PRKCE: variants seen among roughly 807,000 people sequenced by gnomAD.
The protein encoded by PRKCE is protein kinase C epsilon type.
In PRKCE, 16 loss-of-function variants were observed where a neutral mutation model predicts 85.4. That is an observed-to-expected ratio of 0.19 (90% CI 0.13 to 0.28). The LOEUF (loss-of-function observed/expected upper bound fraction) is 0.28. Ranked by LOEUF, PRKCE falls within the 10% of genes least tolerant of loss-of-function variation. The probability of loss-of-function intolerance (pLI) is 1.00; values close to 1 mark genes in which losing one functional copy is unlikely to be tolerated. For missense variants in PRKCE, 573 were observed against 975.2 expected (o/e 0.59, Z 5.49); for synonymous variants, 388 against 371.5 (o/e 1.04, Z -0.51).
intron 1 of PRKCE, among the ~76,000 whole-genome samples, chr2:45,842,664 G>A (rs1391613380): frequency 1.4e-4 from 21 of 152,204 alleles, no homozygotes; most frequent in Admixed American, 1.4e-3. Context: ...GTGCACTGTA[G>A]AATGTTTAAT....
intron 1 of PRKCE, chr2:45,770,765 A>G (rs138141861): frequency 6.6e-6 from 1 of 152,178 alleles, no homozygotes; most frequent in Non-Finnish European, 1.5e-5. Context: ...GCAGCGGATT[A>G]TTTCTTCCTT....
At chr2:45,687,305 G>A (rs900805951) in intron 1 of PRKCE, among the ~76,000 whole-genome samples, 1 of 151,884 alleles carries the variant, frequency 6.6e-6, no homozygotes, top group Non-Finnish European at 1.5e-5. Flanking sequence ...TGGAATAAAG[G>A]TATAAACAGA....
chr2:46,183,626 G>C (rs749929554), intron 14 of PRKCE, among the ~76,000 whole-genome samples: 2 of 152,136 alleles, frequency 1.3e-5, no homozygotes, highest in African/African-American at 4.8e-5. Flanking sequence ...TCCCCATGCC[G>C]CACTCTGCCC....
intron 1 of PRKCE, among the ~76,000 whole-genome samples, chr2:45,667,353 C>T (rs1384880314): frequency 1.3e-5 from 2 of 152,002 alleles, no homozygotes; most frequent in African/African-American, 4.8e-5. Flanking sequence ...TCACTGTGTT[C>T]CCCAGGCTGA....
At chr2:46,093,530 CTT>C (rs56905063) in intron 11 of PRKCE, among the ~76,000 whole-genome samples, 72,545 of 131,442 alleles carry the variant, frequency 0.55, 19,294 homozygotes, top group Non-Finnish European at 0.6. Context: ...TTGTACTTTT[CTT>C]TTTTTTTTTT....
chr2:45,968,139 C>G (rs1407831000), intron 2 of PRKCE, among the ~76,000 whole-genome samples: 1 of 152,110 alleles, frequency 6.6e-6, no homozygotes, highest in East Asian at 1.9e-4. Flanking sequence ...TTGCTGGCAT[C>G]CAGGCATACG....
Position 46,139,840 on chromosome 2 carries a change from A to G in PRKCE, c.1593-5253A>G, listed in dbSNP as rs1675336298. On this transcript the variant is annotated intron_variant, in intron 11 of 14. Coordinates refer to ENST00000306156, the MANE Select transcript of PRKCE (RefSeq NM_005400.3). This position sits in a 1 kb window ranked among gnomAD's most constrained non-coding sequence, Gnocchi z 5.2. ...ATCTGATTGCCTAGAACCTAGTCACATAACTACACCCTGCTCCAAGGGCAG... is the reference window on the plus strand; with the variant it reads ...ATCTGATTGCCTAGAACCTAGTCACGTAACTACACCCTGCTCCAAGGGCAG... Among the ~76,000 whole-genome samples the G allele has an allele frequency of 6.6e-6, 1 of 152,124 alleles. No individual in the cohort carries two copies. Among genetic ancestry groups the G allele is most frequent in the Non-Finnish European group, 1.5e-5 (1 of 68,028 alleles).
At chr2:45,722,164 C>T (rs924131705) in intron 1 of PRKCE, among the ~76,000 whole-genome samples, 6 of 151,966 alleles carry the variant, frequency 3.9e-5, no homozygotes, top group Non-Finnish European at 5.9e-5. Flanking sequence ...TGACACTTTC[C>T]AAAACAAAAG....
intron 1 of PRKCE, among the ~76,000 whole-genome samples, chr2:45,834,885 T>A (rs1299040968): frequency 6.6e-6 from 1 of 152,240 alleles, no homozygotes; most frequent in African/African-American, 2.4e-5. Flanking sequence ...ATTATCTTGT[T>A]TTATATATGA....
intron 14 of PRKCE, among the ~76,000 whole-genome samples, chr2:46,178,420 G>C (rs1164025472): frequency 1.3e-5 from 2 of 152,240 alleles, no homozygotes; most frequent in African/African-American, 2.4e-5. Flanking sequence ...AAGAAGGGAT[G>C]ACAGATGATT....
intron 1 of PRKCE, among the ~76,000 whole-genome samples, chr2:45,678,140 G>T (rs1676621197): frequency 6.6e-6 from 1 of 152,166 alleles, no homozygotes; most frequent in African/African-American, 2.4e-5. Context: ...AGAGCTGGTT[G>T]TGTGCATATG....
intron 14 of PRKCE, among the ~76,000 whole-genome samples, chr2:46,174,037 G>A (rs1348650913): frequency 2.0e-5 from 3 of 152,228 alleles, no homozygotes; most frequent in African/African-American, 7.2e-5. Flanking sequence ...CAGAATGCCT[G>A]GCGGTCTGAG....
chr2:45,798,978 T>C (rs1004389167), intron 1 of PRKCE, among the ~76,000 whole-genome samples: 3 of 151,940 alleles, frequency 2.0e-5, no homozygotes, highest in Non-Finnish European at 4.4e-5. Context: ...CCATCCTGGC[T>C]AACATGGTGA....
intron 10 of PRKCE, among the ~76,000 whole-genome samples, chr2:46,057,426 T>C (rs1433641344): frequency 6.6e-6 from 1 of 151,630 alleles, no homozygotes; most frequent in Non-Finnish European, 1.5e-5. Flanking sequence ...TAAGAAAAAA[T>C]ATTCTCTTCA....
At chr2:45,901,086 G>A (rs1696545841) in intron 2 of PRKCE, among the ~76,000 whole-genome samples, 1 of 152,222 alleles carries the variant, frequency 6.6e-6, no homozygotes, top group Non-Finnish European at 1.5e-5. Context: ...TTTGGGCTGA[G>A]TCCTGATGAG....
intron 1 of PRKCE, among the ~76,000 whole-genome samples, chr2:45,742,943 A>G (rs929205421): frequency 2.6e-5 from 4 of 152,258 alleles, no homozygotes; most frequent in Non-Finnish European, 5.9e-5. Context: ...TCAGCCTTAA[A>G]GCAGAAGCAA....
intron 2 of PRKCE, among the ~76,000 whole-genome samples, chr2:45,861,175 G>A (rs1488471586): frequency 6.6e-6 from 1 of 152,158 alleles, no homozygotes; most frequent in Non-Finnish European, 1.5e-5. Context: ...TGCCTGATGT[G>A]AATGCTCCTT....
At chr2:45,718,627 C>G (rs1483395736) in intron 1 of PRKCE, among the ~76,000 whole-genome samples, 1 of 152,108 alleles carries the variant, frequency 6.6e-6, no homozygotes. Flanking sequence ...TAGGCATGAG[C>G]CACTGCGCCC....
chr2:46,096,814 A>G (rs1288536311), intron 11 of PRKCE, among the ~76,000 whole-genome samples: 9 of 152,222 alleles, frequency 5.9e-5, no homozygotes, highest in Non-Finnish European at 5.9e-5. Context: ...ATGCTGGGCA[A>G]ATGACCTCAT....
Sources: allele counts gnomAD v4.1 joint callset (sites outside exome capture counted in the v4.1 genomes callset), GRCh38; gene constraint gnomAD v4.1.1; non-coding constraint Gnocchi (gnomAD v3.1); transcripts MANE v1.5; gene names NCBI Gene and HGNC (gene_info 2026-07-23, HGNC 2026-07-21).